The following RXFP3 variants were observed in gnomAD, a reference collection of about 807,000 sequenced individuals.
RXFP3 encodes the protein relaxin-3 receptor 1.
A neutral mutation model predicts 27.3 loss-of-function variants in RXFP3; 31 were observed. That is an observed-to-expected ratio of 1.13 (90% CI 0.85 to 1.53). The LOEUF is 1.53. RXFP3 is among the 40% of genes most tolerant of loss of function. The pLI is 0.00. For synonymous variants in RXFP3, 351 were observed against 293.6 expected (o/e 1.20, Z -2.00); for missense variants, 684 against 642.1 (o/e 1.07, Z -0.70).
In RXFP3 at chr5:33,937,101, G is replaced by T. The variant is rs759379460; in HGVS notation, c.361G>T (p.Val121Phe). ...GCGCAAGTCCTCTATCAACCTCTTC[G>T]TCACCAACCTGGCGCTGACGGACTT... Reference protein sequence around the residue: ...GWRKSSINLFVTNLALTDFQF... With the variant: ...GWRKSSINLFFTNLALTDFQF... The change falls in exon 1 of 1, where the codon GTC becomes TTC. Residue 121 changes from valine to phenylalanine, a missense_variant. Physicochemically the swap from Val to Phe is conservative, Grantham distance 50 (BLOSUM62 -1). Coordinates refer to ENST00000330120, the MANE Select transcript of RXFP3 (RefSeq NM_016568.3). 4.3e-6 allele frequency: 7 copies of T among 1,613,646 alleles called. No homozygotes were observed. In the South Asian group the frequency reaches 7.7e-5, roughly 18 times the overall value.
At position 33,937,808 on chromosome 5, in the gene RXFP3, G is replaced by A. The variant is rs1259806180; in HGVS notation, c.1068G>A (p.Ala356=). 1 of 1,614,126 alleles carries A rather than the reference G, an allele frequency of 6.2e-7. No homozygotes were observed. The highest frequency in any genetic ancestry group is 1.3e-5 in the African/African-American group (1 of 75,052). Residue 356 remains alanine (A), a synonymous_variant, in exon 1 of 1, where the codon GCG becomes GCA. Transcript: ENST00000330120. ...TTWSILIKFN[A]VPFSQEYFLC... is the part of the protein sequence containing the mutation. ...GGAGCATCCTCATCAAGTTCAACGC[G>A]GTGCCCTTCAGCCAGGAGTATTTCC... is the stretch of plus-strand genomic sequence containing the variant.
chr5:33,937,458 A>G lies in RXFP3; in HGVS notation c.718A>G (p.Lys240Glu). 6.2e-7 allele frequency: 1 copy of G among 1,610,554 alleles called. No homozygotes were observed. ...LPSAIFSTTV[K>E]VMGEELCLVR... ...CAGTGCCATTTTCTCCACCACGGTC[A>G]AGGTGATGGGCGAGGAGCTGTGCCT... is the stretch of plus-strand genomic sequence containing the variant. Residue 240 changes from lysine to glutamate, a missense_variant, in exon 1 of 1, where the codon AAG becomes GAG. Transcript: ENST00000330120.
rs774576036 is a variant in RXFP3, at chr5:33,936,748, T to C, written c.8T>C (p.Met3Thr). 1.3e-6 allele frequency: 2 copies of C among 1,519,188 alleles called. No individual in the cohort carries two copies. Among genetic ancestry groups the C allele is most frequent in the Non-Finnish European group, 8.8e-7 (1 of 1,131,910 alleles). The allele number at this position is 1,519,188 out of a possible 1,614,324, so 94.1% of individuals were successfully genotyped here. Residue 3 changes from methionine (M) to threonine (T), a missense_variant, in exon 1 of 1, where the codon ATG becomes ACG. Physicochemically the swap from Met to Thr is moderately conservative, Grantham distance 81 (BLOSUM62 -1). Coordinates refer to ENST00000330120, the MANE Select transcript of RXFP3 (RefSeq NM_016568.3). The part of the protein sequence containing the change: MQ[M>T]ADAATIATMN... Reference sequence around the variant, plus strand: ...ACCTAGAGGTACCTGCGCATGCAGATGGCCGATGCAGCCACGATAGCCACC... The same window carrying C: ...ACCTAGAGGTACCTGCGCATGCAGACGGCCGATGCAGCCACGATAGCCACC...
rs1357953342 is a variant in RXFP3 at position 33,936,856 on chromosome 5, G to T, written c.116G>T (p.Gly39Val). The change falls in exon 1 of 1, where the codon GGT (glycine) becomes GTT (valine). Residue 39 changes from glycine (G) to valine (V), a missense_variant. Physicochemically the swap from Gly to Val is moderately radical, Grantham distance 109. Coordinates refer to ENST00000330120, the MANE Select transcript of RXFP3 (RefSeq NM_016568.3). ...PDLLEAANTS[G>V]NASLQLPDLW... ...CTTCTGGAGGCGGCCAACACGAGTGGTAACGCGTCGCTGCAGCTTCCGGAC... is the reference window on the plus strand; with the variant it reads ...CTTCTGGAGGCGGCCAACACGAGTGTTAACGCGTCGCTGCAGCTTCCGGAC... 5.0e-6 allele frequency: 8 copies of T among 1,597,662 alleles called. No individual in the cohort carries two copies. Among genetic ancestry groups the T allele is most frequent in the Non-Finnish European group, 6.8e-6 (8 of 1,168,342 alleles).
In RXFP3 at chr5:33,937,298, G is replaced by A. The variant is rs562455881; in HGVS notation, c.558G>A (p.Ser186=). 3 of 1,613,106 alleles carry A rather than the reference G, an allele frequency of 1.9e-6. No individual in the cohort carries two copies. The highest frequency in any genetic ancestry group is 1.7e-5 in the Admixed American group (1 of 60,026). ...MSVTRYHSVA[S]ALKSHRTRGH... ...TGACGCGCTACCATTCGGTGGCCTC[G>A]GCTCTGAAGAGCCACCGGACCCGAG... is the stretch of plus-strand genomic sequence containing the variant. The change falls in exon 1 of 1, where the codon TCG becomes TCA. Residue 186 remains serine (S), a synonymous_variant. Transcript: ENST00000330120.
rs1232243647 is a variant in RXFP3 at position 33,938,530 on chromosome 5, GCA to G, written c.*383_*384del. 6.6e-6 allele frequency among the ~76,000 whole-genome samples: 1 copy of G among 152,206 alleles called. No homozygotes were observed. The highest frequency in any genetic ancestry group is 1.5e-5 in the Non-Finnish European group (1 of 68,038). ...GGGGAGCGGGGCTTAGCCAAATGAT[GCA>G]CAGACAATTGTGCCCGTTTATTCCA... On this transcript the variant is annotated 3_prime_UTR_variant, in exon 1 of 1. Coordinates refer to ENST00000330120, the MANE Select transcript of RXFP3 (RefSeq NM_016568.3).
In RXFP3 at chr5:33,936,435, A is replaced by C; in HGVS notation, c.-306A>C. On this transcript the variant is annotated 5_prime_UTR_variant, in exon 1 of 1. Coordinates refer to ENST00000330120, the MANE Select transcript of RXFP3 (RefSeq NM_016568.3). ...GTGACCGCGGGACACGGAGAGGGGA[A>C]GTCTGCGTTGTACATAAGGACCTAG... 1 of 343,048 alleles carries C rather than the reference A, an allele frequency of 2.9e-6. No homozygotes were observed. Among genetic ancestry groups the C allele is most frequent in the Non-Finnish European group, 5.2e-6 (1 of 190,570 alleles). 21.3% of individuals were successfully genotyped at this position (343,048 alleles called of 1,614,324 possible).
Position 33,936,392 on chromosome 5 carries a change from T to G in RXFP3, c.-349T>G. On this transcript the variant is annotated 5_prime_UTR_variant, in exon 1 of 1. Coordinates refer to ENST00000330120, the MANE Select transcript of RXFP3 (RefSeq NM_016568.3). ...TCGCACAATTGAGCGGCTGGGGGAG[T>G]TATGCGCCAGTGCCCCAGTGACCGC... 3.5e-6 allele frequency: 1 copy of G among 282,252 alleles called. No homozygotes were observed. The highest frequency in any genetic ancestry group is 6.5e-6 in the Non-Finnish European group (1 of 152,678). 17.5% of individuals were successfully genotyped at this position (282,252 alleles called of 1,614,324 possible).
In RXFP3 at chr5:33,938,641, A is replaced by G. The variant is rs1212720790; in HGVS notation, c.*491A>G. The stretch of plus-strand genomic sequence containing the variant: ...GAGACTGCAGCAGCGCCAAGGTCCT[A>G]CTTGCTGCGGGGCTGCCCCAGGAAT... On this transcript the variant is annotated 3_prime_UTR_variant, in exon 1 of 1. Transcript: ENST00000330120. Among the ~76,000 whole-genome samples the G allele has an allele frequency of 1.3e-5, 2 of 152,254 alleles. No individual in the cohort carries two copies. Among genetic ancestry groups the G allele is most frequent in the South Asian group, 4.1e-4 (2 of 4,834 alleles).
rs546091513 is a variant in RXFP3 at position 33,936,588 on chromosome 5, G to T, written c.-153G>T. On this transcript the variant is annotated 5_prime_UTR_variant, in exon 1 of 1. Transcript: ENST00000330120. ...GTCCAGGGCGTTCGCTGCGCGCCAG[G>T]ACGCGCTTAGTACCCAGTTCCTGGG... 21 of 674,112 alleles carry T rather than the reference G, an allele frequency of 3.1e-5. No homozygotes were observed. The South Asian group carries it at 8.0e-4, about 26-fold the overall frequency. 41.8% of individuals were successfully genotyped at this position (674,112 alleles called of 1,614,324 possible). A position where few individuals can be genotyped will look rare whatever the true frequency, so the allele number is the denominator to read the frequency against.
Position 33,937,915 on chromosome 5 carries a change from T to G in RXFP3, c.1175T>G (p.Val392Gly). The G allele has an allele frequency of 6.2e-7, 1 of 1,613,780 alleles. No homozygotes were observed. The highest frequency in any genetic ancestry group is 8.5e-7 in the Non-Finnish European group (1 of 1,180,038). ...CTCAACCCCGTCCTCTACTGCCTCG[T>G]GCGCCGCGAGTTCCGCAAGGCGCTC... Reference protein sequence around the residue: ...SCLNPVLYCLVRREFRKALKS... With the variant: ...SCLNPVLYCLGRREFRKALKS... Residue 392 changes from valine (V) to glycine (G), a missense_variant, in exon 1 of 1, where the codon GTG becomes GGG. By Grantham distance (109) the Val-to-Gly change is moderately radical (BLOSUM62 -3). Transcript: ENST00000330120.
At position 33,937,469 on chromosome 5, in the gene RXFP3, C is replaced by A; in HGVS notation, c.729C>A (p.Gly243=). The change falls in exon 1 of 1, where the codon GGC becomes GGA. Residue 243 remains glycine (G), a synonymous_variant. Transcript: ENST00000330120. ...AIFSTTVKVM[G]EELCLVRFPD... ...TCTCCACCACGGTCAAGGTGATGGGCGAGGAGCTGTGCCTGGTGCGTTTCC... is the reference window on the plus strand; with the variant it reads ...TCTCCACCACGGTCAAGGTGATGGGAGAGGAGCTGTGCCTGGTGCGTTTCC... 2 of 1,607,324 alleles carry A rather than the reference C, an allele frequency of 1.2e-6. No individual in the cohort carries two copies. The highest frequency in any genetic ancestry group is 1.7e-6 in the Non-Finnish European group (2 of 1,177,010).
In RXFP3 at chr5:33,938,190, G is replaced by A. The variant is rs1396795927; in HGVS notation, c.*40G>A. The stretch of plus-strand genomic sequence containing the variant: ...CCAGGGCGCGCCGTCGGGGCAAGGT[G>A]GCCTTCCCCGGGCGGTAAAGAGGTG... On this transcript the variant is annotated 3_prime_UTR_variant, in exon 1 of 1. Transcript: ENST00000330120. 15 of 1,518,538 alleles carry A rather than the reference G, an allele frequency of 9.9e-6. No homozygotes were observed. The highest frequency in any genetic ancestry group is 1.1e-5 in the Non-Finnish European group (13 of 1,131,996). 94.1% of individuals were successfully genotyped at this position (1,518,538 alleles called of 1,614,324 possible).
Position 33,937,282 on chromosome 5 carries a change from A to G in RXFP3, c.542A>G (p.Tyr181Cys). ...FFLTAMSVTR[Y>C]HSVASALKSH... ...CTCACTGCCATGAGTGTGACGCGCT[A>G]CCATTCGGTGGCCTCGGCTCTGAAG... is the stretch of plus-strand genomic sequence containing the variant. Residue 181 changes from tyrosine to cysteine, a missense_variant, in exon 1 of 1, where the codon TAC becomes TGC. By Grantham distance (194) the Tyr-to-Cys change is radical (BLOSUM62 -2). Coordinates refer to ENST00000330120, the MANE Select transcript of RXFP3 (RefSeq NM_016568.3). The G allele has an allele frequency of 6.2e-7, 1 of 1,613,560 alleles. No homozygotes were observed. The highest frequency in any genetic ancestry group is 8.5e-7 in the Non-Finnish European group (1 of 1,179,990).
At position 33,937,749 on chromosome 5, in the gene RXFP3, C is replaced by T. The variant is rs1195534220; in HGVS notation, c.1009C>T (p.Leu337=). 3.0e-5 allele frequency: 48 copies of T among 1,613,992 alleles called. No homozygotes were observed. The highest frequency in any genetic ancestry group is 3.3e-5 in the Non-Finnish European group (39 of 1,180,042). ...GACCATCGTTGTCCTGTCCTTCTTC[C>T]TGTGTTGGCTGCCCAACCAGGCGCT... ...SVTIVVLSFF[L]CWLPNQALTT... is the part of the protein sequence containing the mutation. Residue 337 remains leucine (L), a synonymous_variant, in exon 1 of 1, where the codon CTG becomes TTG. Transcript: ENST00000330120.
In RXFP3 at chr5:33,937,862, C is replaced by G; in HGVS notation, c.1122C>G (p.Ser374Arg). ...GCCAGGTATACGCGTTCCCTGTGAG[C>G]GTGTGCCTAGCGCACTCCAACAGCT... ...FLCQVYAFPV[S>R]VCLAHSNSCL... The change falls in exon 1 of 1, where the codon AGC becomes AGG. Residue 374 changes from serine (S) to arginine (R), a missense_variant. Coordinates refer to ENST00000330120, the MANE Select transcript of RXFP3 (RefSeq NM_016568.3). 1 of 1,614,154 alleles carries G rather than the reference C, an allele frequency of 6.2e-7. No individual in the cohort carries two copies. Among genetic ancestry groups the G allele is most frequent in the East Asian group, 2.2e-5 (1 of 44,886 alleles).
chr5:33,936,869 G>A lies in RXFP3; in HGVS notation c.129G>A (p.Leu43=). The change falls in exon 1 of 1, where the codon CTG becomes CTA. Residue 43 remains leucine (L), a synonymous_variant. Coordinates refer to ENST00000330120, the MANE Select transcript of RXFP3 (RefSeq NM_016568.3). ...CCAACACGAGTGGTAACGCGTCGCT[G>A]CAGCTTCCGGACTTGTGGTGGGAGC... ...EAANTSGNAS[L]QLPDLWWELG... is the part of the protein sequence containing the mutation. 6.3e-7 allele frequency: 1 copy of A among 1,599,802 alleles called. No individual in the cohort carries two copies. Among genetic ancestry groups the A allele is most frequent in the Non-Finnish European group, 8.5e-7 (1 of 1,169,608 alleles).
Position 33,938,127 on chromosome 5 carries a change from C to CT in RXFP3, c.1388dup (p.Pro464AlafsTer32). On this transcript the variant is annotated frameshift_variant, in exon 1 of 1. Coordinates refer to ENST00000330120, the MANE Select transcript of RXFP3 (RefSeq NM_016568.3). LOFTEE classifies it high-confidence loss of function. ...CTACAGCGGGGGGCGCTACGACCTG[C>CT]TGCCCAGCAGCTCTGCCTACTGACG... 1 of 1,604,806 alleles carries CT rather than the reference C, an allele frequency of 6.2e-7. No individual in the cohort carries two copies. The highest frequency in any genetic ancestry group is 1.1e-5 in the South Asian group (1 of 90,368).
At position 33,936,412 on chromosome 5, in the gene RXFP3, G is replaced by A; in HGVS notation, c.-329G>A. 3.1e-6 allele frequency: 1 copy of A among 317,532 alleles called. No individual in the cohort carries two copies. Among genetic ancestry groups the A allele is most frequent in the Non-Finnish European group, 5.7e-6 (1 of 174,580 alleles). 19.7% of individuals were successfully genotyped at this position (317,532 alleles called of 1,614,324 possible). ...GGGAGTTATGCGCCAGTGCCCCAGT[G>A]ACCGCGGGACACGGAGAGGGGAAGT... On this transcript the variant is annotated 5_prime_UTR_variant, in exon 1 of 1. Coordinates refer to ENST00000330120, the MANE Select transcript of RXFP3 (RefSeq NM_016568.3).
Sources: gnomAD v4.1 joint callset for allele counts (sites outside exome capture counted in the v4.1 genomes callset) on GRCh38, gnomAD v4.1.1 for gene constraint, MANE v1.5 for transcripts, NCBI Gene and HGNC (gene_info 2026-07-23, HGNC 2026-07-21) for gene names.